The following SLC15A1 variants were observed in gnomAD, a reference collection of about 807,000 sequenced individuals.
SLC15A1 encodes the protein Caco-2 oligopeptide transporter.
Under a neutral mutation model 92.9 loss-of-function variants are expected in SLC15A1, and 83 were observed. The ratio of observed to expected loss-of-function variants is 0.89; its 90% CI spans 0.75 to 1.07. The LOEUF (loss-of-function observed/expected upper bound fraction) is 1.07, where lower values mean the gene tolerates loss of function less well. Ranked by LOEUF, SLC15A1 falls within the 50% of genes least tolerant of loss-of-function variation. SLC15A1 has a pLI of 0.00. For synonymous variants in SLC15A1, 322 were observed against 318.2 expected (o/e 1.01, Z -0.13); for missense variants, 857 against 880.1 (o/e 0.97, Z 0.33).
At chr13:98,744,047 C>T (rs2088471895) in intron 1 of SLC15A1, among the ~76,000 whole-genome samples, 2 of 152,004 alleles carry the variant, frequency 1.3e-5, no homozygotes, top group South Asian at 4.2e-4. Flanking sequence ...GGAAACAAGC[C>T]TGGGCAATGT....
intron 1 of SLC15A1, among the ~76,000 whole-genome samples, chr13:98,737,876 A>G (rs542579798): frequency 3.9e-5 from 6 of 152,318 alleles, no homozygotes; most frequent in African/African-American, 1.4e-4. Context: ...CTTCTTAGAA[A>G]CTGTCTAAAT....
intron 9 of SLC15A1, among the ~76,000 whole-genome samples, chr13:98,713,132 C>G (rs2088180183): frequency 6.6e-6 from 1 of 152,204 alleles, no homozygotes; most frequent in African/African-American, 2.4e-5. Context: ...TCTTGGCTCA[C>G]TGGAGCCTTG....
At chr13:98,688,922 G>T (rs2087954108) in intron 18 of SLC15A1, among the ~76,000 whole-genome samples, 1 of 152,132 alleles carries the variant, frequency 6.6e-6, no homozygotes, top group South Asian at 2.1e-4. Context: ...CCGTGCCTTT[G>T]TGTTCCTTGT....
chr13:98,726,013 T>A, intron 4 of SLC15A1, 110 bp downstream of exon 4: 1 of 1,399,966 alleles, frequency 7.1e-7, no homozygotes, highest in Non-Finnish European at 9.7e-7. Context: ...TGGCCTCTCC[T>A]AAGAGTTTCT....
At chr13:98,706,000 T>A in intron 16 of SLC15A1, 134 bp downstream of exon 16, 1 of 866,606 alleles carries the variant, frequency 1.2e-6, no homozygotes, top group Non-Finnish European at 1.8e-6. Context: ...ATAGCCAACA[T>A]GAGATCAAGA....
At chr13:98,711,483 T>C (rs1448013301) in intron 11 of SLC15A1, among the ~76,000 whole-genome samples, 2 of 152,170 alleles carry the variant, frequency 1.3e-5, no homozygotes, top group Non-Finnish European at 1.5e-5. Context: ...ATGTATGGGC[T>C]CCATAAAAGG....
At chr13:98,745,096 A>G (rs1206580314) in intron 1 of SLC15A1, among the ~76,000 whole-genome samples, 1 of 152,204 alleles carries the variant, frequency 6.6e-6, no homozygotes, top group Non-Finnish European at 1.5e-5. Flanking sequence ...CAGAATGGGA[A>G]CGTCGTTTTT....
In SLC15A1 at chr13:98,721,869, G is replaced by C. The variant is rs1566453103; in HGVS notation, c.400C>G (p.Leu134Val). ...LSLIGLALIA[L>V]GTGGIKPCVS... ...CAGGGTTTGATTCCTCCAGTCCCGA[G>C]AGCTATCAGGGCCAGGCCGATCAAG... The change falls in exon 6 of 23, where the codon CTC becomes GTC. Residue 134 changes from leucine to valine, a missense_variant. Coordinates refer to ENST00000376503, the MANE Select transcript of SLC15A1 (RefSeq NM_005073.4). 1.9e-6 allele frequency: 3 copies of C among 1,614,016 alleles called. No individual in the cohort carries two copies.
chr13:98,752,631 G>A lies in SLC15A1; in HGVS notation c.-33C>T, dbSNP rs4646206. On this transcript the variant is annotated 5_prime_UTR_variant, in exon 1 of 23. Transcript: ENST00000376503. ...GCTCCCAGGGCTCCTGCGACCTGCCGGCGGGACGTGCTCCTGGCAGGTGCT... is the reference window on the plus strand; with the variant it reads ...GCTCCCAGGGCTCCTGCGACCTGCCAGCGGGACGTGCTCCTGGCAGGTGCT... 0.011 allele frequency: 13,533 copies of A among 1,251,244 alleles called. 128 individuals carry two copies. Among genetic ancestry groups the A allele is most frequent in the East Asian group, 0.037 (1,184 of 31,696 alleles). The allele number at this position is 1,251,244 out of a possible 1,614,324, so 77.5% of individuals were successfully genotyped here.
At chr13:98,703,539 CTTTTTTTTTTTTTTTTTTTTTT>C (rs771426478) in intron 17 of SLC15A1, among the ~76,000 whole-genome samples, 9 of 85,536 alleles carry the variant, frequency 1.1e-4, no homozygotes, top group Admixed American at 1.3e-4. Context: ...GCTGCTGCTG[CTTTTTTTTTTTTTTTTTTTTTT>C]TTTTTTTTTT....
intron 18 of SLC15A1, among the ~76,000 whole-genome samples, chr13:98,691,836 G>A (rs1297409554): frequency 1.3e-5 from 2 of 152,092 alleles, no homozygotes; most frequent in Non-Finnish European, 2.9e-5. Flanking sequence ...CACTTTGGGA[G>A]GCCGAGGTGG....
At chr13:98,747,673 G>C (rs1162925162) in intron 1 of SLC15A1, among the ~76,000 whole-genome samples, 1 of 152,170 alleles carries the variant, frequency 6.6e-6, no homozygotes. Context: ...CTGAGGTAAG[G>C]AGTTTGAGAC....
intron 15 of SLC15A1, among the ~76,000 whole-genome samples, chr13:98,707,677 G>A (rs1365512584): frequency 6.6e-6 from 1 of 152,142 alleles, no homozygotes; most frequent in Non-Finnish European, 1.5e-5. Context: ...GGGAGGCTGA[G>A]GTGGGAGGAT....
At chr13:98,687,836 G>A (rs2087942710) in intron 20 of SLC15A1, 112 bp from the exon 21 acceptor site, 10 of 1,253,254 alleles carry the variant, frequency 8.0e-6, no homozygotes, top group Non-Finnish European at 1.0e-5. Context: ...GATTTGTCAA[G>A]TACGTACACA....
chr13:98,707,715 G>A (rs1341177944), intron 15 of SLC15A1, among the ~76,000 whole-genome samples: 6 of 151,618 alleles, frequency 4.0e-5, no homozygotes, highest in Non-Finnish European at 1.5e-5. Context: ...AACACAGGGG[G>A]ACCCTGGCTT....
intron 18 of SLC15A1, among the ~76,000 whole-genome samples, chr13:98,694,271 A>C (rs563384662): frequency 6.6e-6 from 1 of 152,330 alleles, no homozygotes; most frequent in African/African-American, 2.4e-5. Flanking sequence ...AGACCTTTGC[A>C]TAGCTGTTTT....
chr13:98,701,187 T>C (rs1385208036), intron 18 of SLC15A1, among the ~76,000 whole-genome samples: 1 of 152,208 alleles, frequency 6.6e-6, no homozygotes, highest in East Asian at 1.9e-4. Flanking sequence ...TCCATTTAGT[T>C]AGCTTTTCAC....
intron 1 of SLC15A1, among the ~76,000 whole-genome samples, chr13:98,729,004 A>AAAAAAAAAAG (rs2088326108): frequency 1.4e-5 from 2 of 140,944 alleles, no homozygotes; most frequent in African/African-American, 5.2e-5. Context: ...AAAAAAAAAA[A>AAAAAAAAAAG]AACAACAAGC....
chr13:98,693,115 G>C (rs1260627362), intron 18 of SLC15A1, among the ~76,000 whole-genome samples: 1 of 20,928 alleles, frequency 4.8e-5, no homozygotes, highest in Admixed American at 5.1e-4. Flanking sequence ...TTTTTTTTTT[G>C]AGACGGAGTT....
Sources: allele counts gnomAD v4.1 joint callset (sites outside exome capture counted in the v4.1 genomes callset), GRCh38; gene constraint gnomAD v4.1.1; transcripts MANE v1.5; gene names NCBI Gene and HGNC (gene_info 2026-07-23, HGNC 2026-07-21).